MARCHF2: variants seen among roughly 807,000 people sequenced by gnomAD.
The protein encoded by MARCHF2 is membrane associated ring-CH-type finger 2.
A neutral mutation model predicts 24.0 loss-of-function variants in MARCHF2; 22 were observed. The observed-to-expected ratio is 0.92, with a 90% CI of 0.66 to 1.31. The LOEUF (loss-of-function observed/expected upper bound fraction) is 1.31. Among genes scored for constraint, MARCHF2 ranks in the 50% most tolerant of loss-of-function variants. The probability of loss-of-function intolerance (pLI) is 0.00; values close to 1 mark genes in which losing one functional copy is unlikely to be tolerated. For missense variants in MARCHF2, 301 were observed against 335.3 expected (o/e 0.90, Z 0.80); for synonymous variants, 154 against 153.0 (o/e 1.01, Z -0.05).
Position 8,433,011 on chromosome 19 carries a change from G to A in MARCHF2, c.582+2144G>A, listed in dbSNP as rs117696756. Among the ~76,000 whole-genome samples the A allele has an allele frequency of 6.8e-3, 1,039 of 151,994 alleles. 10 individuals carry two copies. Among genetic ancestry groups the A allele is most frequent in the South Asian group, 0.019 (91 of 4,814 alleles). ...AGGCAGGCAGATTGCTTGAGCTTAC[G>A]AGTTTGAGACCAGCCTGGGCAAAGT... On this transcript the variant is annotated intron_variant, in intron 4 of 4. Coordinates refer to ENST00000215555, the MANE Select transcript of MARCHF2 (RefSeq NM_001005415.2).
chr19:8,437,898 C>G (rs1251608610), intron 4 of MARCHF2, among the ~76,000 whole-genome samples: 3 of 152,024 alleles, frequency 2.0e-5, no homozygotes, highest in African/African-American at 7.2e-5. Flanking sequence ...GTCCGTGCCA[C>G]CACGCCAGGC....
chr19:8,419,380 G>C (rs988079555), intron 1 of MARCHF2, among the ~76,000 whole-genome samples: 3 of 152,186 alleles, frequency 2.0e-5, no homozygotes, highest in African/African-American at 7.2e-5. Context: ...TGTAGTCTCA[G>C]CTACTCAGCA....
In MARCHF2 at chr19:8,413,430, G is replaced by A. The variant is rs550502143; in HGVS notation, c.-53+10G>A. On this transcript the variant is annotated intron_variant, in intron 1 of 4. Transcript: ENST00000215555. The stretch of plus-strand genomic sequence containing the variant: ...CCCGGCCGCGGATCAGGTAGGCACG[G>A]GCCTGCAGGTAGGGCCGGAGGACGC... 2.0e-5 allele frequency: 3 copies of A among 152,048 alleles called. No individual in the cohort carries two copies. The highest frequency in any genetic ancestry group is 4.1e-4 in the South Asian group (2 of 4,826). 9.4% of individuals were successfully genotyped at this position (152,048 alleles called of 1,614,324 possible). A position where few individuals can be genotyped will look rare whatever the true frequency, so the allele number is the denominator to read the frequency against.
chr19:8,434,259 A>G (rs944393667), intron 4 of MARCHF2, among the ~76,000 whole-genome samples: 7 of 151,432 alleles, frequency 4.6e-5, no homozygotes, highest in East Asian at 3.9e-4. Flanking sequence ...CAATTTTTAT[A>G]TTTTTAGTAG....
rs1967536100 is a variant in MARCHF2, at chr19:8,430,059, A to G, written c.373-599A>G. On this transcript the variant is annotated intron_variant, in intron 3 of 4. Coordinates refer to ENST00000215555, the MANE Select transcript of MARCHF2 (RefSeq NM_001005415.2). This position sits in a 1 kb window ranked among gnomAD's most constrained non-coding sequence, Gnocchi z 4.4. ...CAGGGCCTGGCTCCTCATGGGCTCA[A>G]TAAATGTTTGAAAGAAGGAAAGGGC... 6.6e-6 allele frequency among the ~76,000 whole-genome samples: 1 copy of G among 151,934 alleles called. No individual in the cohort carries two copies. The highest frequency in any genetic ancestry group is 1.5e-5 in the Non-Finnish European group (1 of 67,984).
intron 3 of MARCHF2, among the ~76,000 whole-genome samples, chr19:8,428,766 C>T (rs184876831): frequency 6.7e-6 from 1 of 150,212 alleles, no homozygotes; most frequent in Admixed American, 6.7e-5. Flanking sequence ...GAGTTCGAGA[C>T]CAGCCTGGCC....
intron 1 of MARCHF2, among the ~76,000 whole-genome samples, chr19:8,419,539 G>T (rs551282264): frequency 6.6e-6 from 1 of 151,176 alleles, no homozygotes; most frequent in Admixed American, 6.6e-5. Context: ...ATAATTGGCC[G>T]GGCGCGGTGG....
At chr19:8,425,316 C>A (rs1030327417) in intron 2 of MARCHF2, among the ~76,000 whole-genome samples, 4 of 151,642 alleles carry the variant, frequency 2.6e-5, no homozygotes, top group Admixed American at 6.6e-5. Flanking sequence ...AGGATAATCG[C>A]TTGAACCTGG....
chr19:8,432,801 A>T (rs1362175636), intron 4 of MARCHF2, among the ~76,000 whole-genome samples: 7 of 152,010 alleles, frequency 4.6e-5, no homozygotes, highest in African/African-American at 1.7e-4. Flanking sequence ...AAAAAAAGAT[A>T]AAAAGCCTGG....
chr19:8,438,433 A>G lies in MARCHF2; in HGVS notation c.628A>G (p.Thr210Ala). 1 of 1,614,030 alleles carries G rather than the reference A, an allele frequency of 6.2e-7. No individual in the cohort carries two copies. The highest frequency in any genetic ancestry group is 8.5e-7 in the Non-Finnish European group (1 of 1,180,010). Residue 210 changes from threonine to alanine, a missense_variant, in exon 5 of 5, where the codon ACC becomes GCC. Transcript: ENST00000215555. ...HCQLYSEWRK[T>A]NQKVRLKIRE... ...CCAGCTGTACTCCGAGTGGAGAAAG[A>G]CCAACCAGAAAGTTCGCCTGAAGAT... is the stretch of plus-strand genomic sequence containing the variant.
chr19:8,425,220 G>GA (rs879683585), intron 2 of MARCHF2, among the ~76,000 whole-genome samples: 94 of 144,016 alleles, frequency 6.5e-4, no homozygotes, highest in Admixed American at 9.7e-4. Context: ...CTAAAATACA[G>GA]AAAAAAAAAA....
Position 8,438,986 on chromosome 19 carries a change from G to A in MARCHF2, c.*440G>A, listed in dbSNP as rs1299675778. The A allele has an allele frequency of 1.3e-5, 2 of 155,368 alleles. No individual in the cohort carries two copies. The highest frequency in any genetic ancestry group is 4.8e-5 in the African/African-American group (2 of 41,462). 9.6% of individuals were successfully genotyped at this position (155,368 alleles called of 1,614,324 possible). A position where few individuals can be genotyped will look rare whatever the true frequency, so the allele number is the denominator to read the frequency against. Reference sequence around the variant, plus strand: ...CACTGCGTTTCAAAAACCCACCCCTGAATGAATAAAAGGAGCCCTGGCTGG... The same window carrying A: ...CACTGCGTTTCAAAAACCCACCCCTAAATGAATAAAAGGAGCCCTGGCTGG... On this transcript the variant is annotated 3_prime_UTR_variant, in exon 5 of 5. Transcript: ENST00000215555.
rs190967626 is a variant in MARCHF2, at chr19:8,430,317, C to T, written c.373-341C>T. ...TGTTGAGGTTGCAGTGAGCCGAGATCGTGCCACGGCACTCCAGCCTGGCTG... is the reference window on the plus strand; with the variant it reads ...TGTTGAGGTTGCAGTGAGCCGAGATTGTGCCACGGCACTCCAGCCTGGCTG... On this transcript the variant is annotated intron_variant, in intron 3 of 4. Coordinates refer to ENST00000215555, the MANE Select transcript of MARCHF2 (RefSeq NM_001005415.2). The surrounding 1 kb of genome is among the most constrained non-coding windows in gnomAD (Gnocchi z 4.4). Among the ~76,000 whole-genome samples the T allele has an allele frequency of 2.0e-5, 3 of 151,926 alleles. No homozygotes were observed. The highest frequency in any genetic ancestry group is 4.4e-5 in the Non-Finnish European group (3 of 67,964).
intron 3 of MARCHF2, among the ~76,000 whole-genome samples, chr19:8,427,096 G>A (rs1967426485): frequency 6.6e-6 from 1 of 151,992 alleles, no homozygotes; most frequent in African/African-American, 2.4e-5. Context: ...TGTCCAGGCT[G>A]GAGTGCAGTG....
intron 2 of MARCHF2, 66 bp downstream of exon 2, chr19:8,422,082 T>C: frequency 1.3e-6 from 2 of 1,512,858 alleles, no homozygotes; most frequent in Non-Finnish European, 1.8e-6. Flanking sequence ...AGTGAGTTTC[T>C]CCCAGCCTGG....
At chr19:8,431,511 A>AAG (rs1357414787) in intron 4 of MARCHF2, among the ~76,000 whole-genome samples, 1 of 148,618 alleles carries the variant, frequency 6.7e-6, no homozygotes, top group Non-Finnish European at 1.5e-5. Flanking sequence ...AAAAAAAAAA[A>AAG]AAAAAAAAGG....
chr19:8,428,656 A>C (rs12980939), intron 3 of MARCHF2, among the ~76,000 whole-genome samples: 1 of 140,736 alleles, frequency 7.1e-6, no homozygotes, highest in Non-Finnish European at 1.6e-5. Flanking sequence ...TCTCAAAAAA[A>C]AAAAAAAAAA....
chr19:8,415,855 T>A (rs1967074493), intron 1 of MARCHF2, among the ~76,000 whole-genome samples: 1 of 151,806 alleles, frequency 6.6e-6, no homozygotes, highest in Non-Finnish European at 1.5e-5. Flanking sequence ...CAGAGCTGAG[T>A]CCGACTTGCA....
chr19:8,423,941 G>T (rs922343599), intron 2 of MARCHF2, among the ~76,000 whole-genome samples: 1 of 146,090 alleles, frequency 6.8e-6, no homozygotes, highest in African/African-American at 2.5e-5. Context: ...GTCCGAGGCT[G>T]CAGTGAGCTG....
Sources: gnomAD v4.1 joint callset for allele counts (sites outside exome capture counted in the v4.1 genomes callset) on GRCh38, gnomAD v4.1.1 for gene constraint, Gnocchi (gnomAD v3.1) non-coding constraint, MANE v1.5 for transcripts, NCBI Gene and HGNC (gene_info 2026-07-23, HGNC 2026-07-21) for gene names.